Variants in TPP2 observed in about 807,000 individuals in gnomAD.
TPP2 encodes the protein tripeptidyl-peptidase 2.
In TPP2, 34 loss-of-function variants were observed where a neutral mutation model predicts 155.9. The ratio of observed to expected loss-of-function variants is 0.22; its 90% CI spans 0.17 to 0.29. TPP2 has a LOEUF of 0.29. Among genes scored for constraint, TPP2 ranks in the 10% least tolerant of loss-of-function variants. The pLI is 1.00. For missense variants in TPP2, 1,028 were observed against 1,522.3 expected (o/e 0.68, Z 5.40); for synonymous variants, 510 against 529.4 (o/e 0.96, Z 0.50).
intron 5 of TPP2, among the ~76,000 whole-genome samples, chr13:102,620,868 A>G (rs774190732): frequency 6.6e-6 from 1 of 152,208 alleles, no homozygotes; most frequent in Non-Finnish European, 1.5e-5. Context: ...GACCTTGCTT[A>G]TGTCATGTTT....
intron 6 of TPP2, among the ~76,000 whole-genome samples, chr13:102,623,946 A>G (rs1881359740): frequency 6.6e-6 from 1 of 152,146 alleles, no homozygotes; most frequent in Non-Finnish European, 1.5e-5. Flanking sequence ...TGCTATATAA[A>G]TAGTTGTTAT....
intron 25 of TPP2, among the ~76,000 whole-genome samples, chr13:102,663,122 A>AT (rs1267948014): frequency 1.2e-5 from 1 of 84,350 alleles, no homozygotes; most frequent in African/African-American, 8.9e-5. Flanking sequence ...AGTTTGATTT[A>AT]TTTATTTATT....
chr13:102,654,961 T>C (rs1240718078), intron 24 of TPP2: 1 of 504,204 alleles, frequency 2.0e-6, no homozygotes, highest in Non-Finnish European at 4.0e-6. Context: ...CTGAAAGAGC[T>C]AGCCCAAGCA....
At chr13:102,652,397 CATATAT>C (rs10530428) in intron 24 of TPP2, among the ~76,000 whole-genome samples, 216 of 125,156 alleles carry the variant, frequency 1.7e-3, no homozygotes, top group Non-Finnish European at 2.9e-3. Flanking sequence ...AACATACATA[CATATAT>C]ATATATATAT....
intron 17 of TPP2, among the ~76,000 whole-genome samples, chr13:102,643,582 T>A (rs1052352398): frequency 1.3e-5 from 2 of 152,172 alleles, no homozygotes; most frequent in African/African-American, 4.8e-5. Flanking sequence ...TGGCTGTAAT[T>A]CTTGAATAGC....
intron 27 of TPP2, among the ~76,000 whole-genome samples, chr13:102,666,881 T>C (rs1413228592): frequency 6.6e-6 from 1 of 150,874 alleles, no homozygotes; most frequent in African/African-American, 2.4e-5. Context: ...CATAAAACTT[T>C]GTAAAAACGC....
At position 102,661,703 on chromosome 13, in the gene TPP2, A is replaced by G. The variant is rs192401274; in HGVS notation, c.3144-1945A>G. On this transcript the variant is annotated intron_variant, in intron 25 of 29. Transcript: ENST00000376052. ...CTCAAAATCGTTAGTCTTCAGGGAA[A>G]TGCACATCAAAATCACAATGAAATA... Among the ~76,000 whole-genome samples, 14 of 152,332 alleles carry G rather than the reference A, an allele frequency of 9.2e-5. No homozygotes were observed. The East Asian group carries it at 2.1e-3, about 23-fold the overall frequency.
rs185781993 is a variant in TPP2, at chr13:102,668,066, T to C, written c.3371+3141T>C. ...CCCAAGTAGAGAGCAGTCCTGCACATGAATGATCAAAGGTTGGTTTTTGGA... is the reference window on the plus strand; with the variant it reads ...CCCAAGTAGAGAGCAGTCCTGCACACGAATGATCAAAGGTTGGTTTTTGGA... On this transcript the variant is annotated intron_variant, in intron 27 of 29. Coordinates refer to ENST00000376052, the MANE Select transcript of TPP2 (RefSeq NM_001330588.2). 2.9e-4 allele frequency among the ~76,000 whole-genome samples: 44 copies of C among 152,332 alleles called. No individual in the cohort carries two copies. In the East Asian group the frequency reaches 7.5e-3, roughly 26 times the overall value.
rs757596163 is a variant in TPP2 at position 102,656,845 on chromosome 13, A to T, written c.2992-211A>T. The T allele has an allele frequency of 8.6e-6, 3 of 350,306 alleles. No individual in the cohort carries two copies. In the Admixed American group the frequency reaches 1.5e-4, roughly 17 times the overall value. 21.7% of individuals were successfully genotyped at this position (350,306 alleles called of 1,614,324 possible). On this transcript the variant is annotated intron_variant, in intron 24 of 29. Coordinates refer to ENST00000376052, the MANE Select transcript of TPP2 (RefSeq NM_001330588.2). ...TTATCTCTTTTATTTTAAAGGAGAT[A>T]TTTGAAGTATCAGTACTCAGCATCA...
intron 24 of TPP2, among the ~76,000 whole-genome samples, chr13:102,652,603 G>A (rs2139559205): frequency 6.8e-6 from 1 of 146,534 alleles, no homozygotes; most frequent in Non-Finnish European, 1.5e-5. Flanking sequence ...ATATGGAACT[G>A]GGGAATCACC....
At chr13:102,641,521 G>C (rs983946676) in intron 16 of TPP2, among the ~76,000 whole-genome samples, 1 of 152,116 alleles carries the variant, frequency 6.6e-6, no homozygotes. Flanking sequence ...ATTTACATCT[G>C]AGACTTTATT....
At chr13:102,620,682 C>T (rs1881089829) in intron 5 of TPP2, among the ~76,000 whole-genome samples, 1 of 152,162 alleles carries the variant, frequency 6.6e-6, no homozygotes, top group Admixed American at 6.5e-5. Context: ...TTGTTTAGCG[C>T]GTATCTCTGC....
intron 25 of TPP2, 141 bp from the exon 26 acceptor site, chr13:102,663,507 C>T (rs1248847589): frequency 6.9e-6 from 4 of 578,132 alleles, no homozygotes; most frequent in East Asian, 3.3e-5. Context: ...AATGATAATC[C>T]TTGTCAATGA....
chr13:102,651,165 A>G (rs1278607754), intron 23 of TPP2, among the ~76,000 whole-genome samples, 194 bp from the exon 24 acceptor site: 1 of 152,216 alleles, frequency 6.6e-6, no homozygotes, highest in Non-Finnish European at 1.5e-5. Flanking sequence ...ATATTTGAGT[A>G]CTTTTTCTTA....
chr13:102,618,938 G>A (rs1017575784), intron 5 of TPP2, 92 bp downstream of exon 5: 1 of 1,426,560 alleles, frequency 7.0e-7, no homozygotes, highest in Non-Finnish European at 9.2e-7. Context: ...ACAGAATTTT[G>A]GTTTATTCGT....
chr13:102,618,893 T>C (rs566622882), intron 5 of TPP2, 47 bp downstream of exon 5: 3 of 1,563,906 alleles, frequency 1.9e-6, no homozygotes, highest in African/African-American at 2.8e-5. Flanking sequence ...ATGTTTTCTT[T>C]TCTACTCTGA....
chr13:102,661,726 A>G (rs971029592), intron 25 of TPP2, among the ~76,000 whole-genome samples: 1 of 152,190 alleles, frequency 6.6e-6, no homozygotes, highest in Non-Finnish European at 1.5e-5. Flanking sequence ...TCACAATGAA[A>G]TACAACTTCA....
At chr13:102,630,014 G>A (rs1881911048) in intron 9 of TPP2, 82 bp from the exon 10 acceptor site, 1 of 1,129,878 alleles carries the variant, frequency 8.9e-7, no homozygotes, top group African/African-American at 1.5e-5. Context: ...GAGAGATTAG[G>A]CAGTTTACTC....
chr13:102,622,754 T>G (rs1450744175), intron 5 of TPP2, 123 bp from the exon 6 acceptor site: 1 of 1,106,826 alleles, frequency 9.0e-7, no homozygotes, highest in Non-Finnish European at 1.3e-6. Flanking sequence ...CAGGCAGTCA[T>G]TATATTTATA....
Sources: allele counts gnomAD v4.1 joint callset (sites outside exome capture counted in the v4.1 genomes callset), GRCh38; gene constraint gnomAD v4.1.1; transcripts MANE v1.5; gene names NCBI Gene and HGNC (gene_info 2026-07-23, HGNC 2026-07-21).